The following PROZ variants were observed in gnomAD, a reference collection of about 807,000 sequenced individuals.
PROZ encodes protein Z, vitamin K dependent plasma glycoprotein, also known as vitamin K-dependent protein Z.
A neutral mutation model predicts 34.9 loss-of-function variants in PROZ; 46 were observed. That is an observed-to-expected ratio of 1.32 (90% CI 1.04 to 1.69). The LOEUF (loss-of-function observed/expected upper bound fraction) is 1.69, where lower values mean the gene tolerates loss of function less well. Among genes scored for constraint, PROZ ranks in the 40% most tolerant of loss-of-function variants. The pLI, the probability that PROZ is intolerant of heterozygous loss-of-function variation, is 0.00. For synonymous variants in PROZ, 195 were observed against 208.5 expected (o/e 0.94, Z 0.56); for missense variants, 530 against 520.4 (o/e 1.02, Z -0.18).
At chr13:113,167,188 G>A (rs2036963528) in intron 6 of PROZ, among the ~76,000 whole-genome samples, 1 of 152,160 alleles carries the variant, frequency 6.6e-6, no homozygotes, top group Admixed American at 6.5e-5. Flanking sequence ...CTAAAAGTCT[G>A]GCAGACTGAT....
rs140132416 is a variant in PROZ, at chr13:113,171,641, G to A, written c.739G>A (p.Val247Ile). Reference sequence around the variant, plus strand: ...CCCGCTGATGATCAAGATAACGCACGTCCATGTGCACATGCGGTATGACGC... The same window carrying A: ...CCCGCTGATGATCAAGATAACGCACATCCATGTGCACATGCGGTATGACGC... ...QDPLMIKITHVHVHMRYDADA... is the reference protein window; with the variant it reads ...QDPLMIKITHIHVHMRYDADA... Residue 247 changes from valine to isoleucine, a missense_variant, in exon 8 of 8, where the codon GTC becomes ATC. Val to Ile is a conservative substitution (Grantham distance 29). Coordinates refer to ENST00000375547, the MANE Select transcript of PROZ (RefSeq NM_003891.3). The surrounding 1 kb of genome is among the most constrained non-coding windows in gnomAD (Gnocchi z 5.1). The A allele has an allele frequency of 2.2e-5, 35 of 1,614,036 alleles. 1 individual carries two copies. In the African/African-American group the frequency reaches 3.7e-4, roughly 17 times the overall value.
At chr13:113,164,915 C>A in intron 5 of PROZ, 138 bp from the exon 6 acceptor site, 1 of 968,106 alleles carries the variant, frequency 1.0e-6, no homozygotes, top group Non-Finnish European at 1.6e-6. Flanking sequence ...AATTACTGCA[C>A]ATTCATCAGC....
chr13:113,169,719 C>T lies in PROZ; in HGVS notation c.574-694C>T, dbSNP rs3024760. On this transcript the variant is annotated intron_variant, in intron 6 of 7. Coordinates refer to ENST00000375547, the MANE Select transcript of PROZ (RefSeq NM_003891.3). ...CCCCACTGAGTCAGGGATGTTTTAACTCAGCTGGTGGAAGCAATTGCTATT... is the reference window on the plus strand; with the variant it reads ...CCCCACTGAGTCAGGGATGTTTTAATTCAGCTGGTGGAAGCAATTGCTATT... Among the ~76,000 whole-genome samples the T allele has an allele frequency of 7.2e-3, 1,097 of 152,350 alleles. 18 individuals are homozygous for T. Among genetic ancestry groups the T allele is most frequent in the African/African-American group, 0.025 (1,027 of 41,578 alleles).
At chr13:113,170,354 A>C in intron 6 of PROZ, 59 bp from the exon 7 acceptor site, 1 of 1,052,948 alleles carries the variant, frequency 9.5e-7, no homozygotes, top group Non-Finnish European at 1.5e-6. Context: ...AGTAGACTTT[A>C]CTGCCCCTAA....
In PROZ at chr13:113,172,275, C is replaced by A; in HGVS notation, c.*170C>A. 1.2e-6 allele frequency: 1 copy of A among 856,366 alleles called. No individual in the cohort carries two copies. Among genetic ancestry groups the A allele is most frequent in the Non-Finnish European group, 1.8e-6 (1 of 542,434 alleles). The allele number at this position is 856,366 out of a possible 1,614,324, so 53.0% of individuals were successfully genotyped here. On this transcript the variant is annotated 3_prime_UTR_variant, in exon 8 of 8. Transcript: ENST00000375547. ...GAGCCGCCGTTTGCTGGGTTGTTTA[C>A]CGAGCACTGTGACCTTTCTTTCCCT... is the stretch of plus-strand genomic sequence containing the variant.
chr13:113,168,415 T>C (rs1328046651), intron 6 of PROZ, among the ~76,000 whole-genome samples: 7 of 152,226 alleles, frequency 4.6e-5, no homozygotes, highest in Admixed American at 3.3e-4. Flanking sequence ...ATGAAAGGCA[T>C]TGCGTCTGGC....
intron 4 of PROZ, among the ~76,000 whole-genome samples, 171 bp downstream of exon 4, chr13:113,163,293 C>T (rs1015345628): frequency 1.3e-5 from 2 of 152,080 alleles, no homozygotes; most frequent in Non-Finnish European, 2.9e-5. Flanking sequence ...AGATTCTCCT[C>T]CAGAAACCAC....
chr13:113,163,739 TCACC>T (rs2036822135), intron 4 of PROZ, among the ~76,000 whole-genome samples: 1 of 151,758 alleles, frequency 6.6e-6, no homozygotes, highest in South Asian at 2.1e-4. Context: ...GCTTTGACCT[TCACC>T]CACCATGTGC....
At chr13:113,168,477 C>T (rs955522708) in intron 6 of PROZ, among the ~76,000 whole-genome samples, 3 of 152,236 alleles carry the variant, frequency 2.0e-5, no homozygotes, top group Non-Finnish European at 4.4e-5. Context: ...TGGGCCTGCC[C>T]CACTGCCTTC....
At chr13:113,165,027 T>C (rs2036882474) in intron 5 of PROZ, 26 bp from the exon 6 acceptor site, 15 of 1,612,000 alleles carry the variant, frequency 9.3e-6, no homozygotes, top group Non-Finnish European at 1.3e-5. Flanking sequence ...CTGATTTTTA[T>C]TCTCATGTTG....
chr13:113,158,748 C>T lies in PROZ; in HGVS notation c.70+18C>T, dbSNP rs1464664986. The T allele has an allele frequency of 2.5e-6, 4 of 1,588,512 alleles. No homozygotes were observed. Among genetic ancestry groups the T allele is most frequent in the Middle Eastern group, 1.7e-4 (1 of 6,038 alleles). ...GCCCTCAGGTAGGCATCTGGCTTAC[C>T]TGTCTGTTGTGCCTGTGCTGTGTCT... On this transcript the variant is annotated intron_variant, in intron 1 of 7. Coordinates refer to ENST00000375547, the MANE Select transcript of PROZ (RefSeq NM_003891.3). This position sits in a 1 kb window ranked among gnomAD's most constrained non-coding sequence, Gnocchi z 4.3.
Position 113,171,748 on chromosome 13 carries a change from C to T in PROZ, c.846C>T (p.Thr282=), listed in dbSNP as rs1198700742. 1 of 1,612,118 alleles carries T rather than the reference C, an allele frequency of 6.2e-7. No individual in the cohort carries two copies. Among genetic ancestry groups the T allele is most frequent in the Non-Finnish European group, 8.5e-7 (1 of 1,178,646 alleles). The change falls in exon 8 of 8, where the codon ACC becomes ACT. Residue 282 remains threonine (T), a synonymous_variant. Coordinates refer to ENST00000375547, the MANE Select transcript of PROZ (RefSeq NM_003891.3). This position sits in a 1 kb window ranked among gnomAD's most constrained non-coding sequence, Gnocchi z 5.1. ...CAGGTGCGGGGCTCCCCGTGTGCAC[C>T]CCTGAGAAAGACTTCGCTGAGCACC... ...QCPGAGLPVC[T]PEKDFAEHLL... is the part of the protein sequence containing the mutation.
chr13:113,171,920 T>C lies in PROZ; in HGVS notation c.1018T>C (p.Tyr340His). The change falls in exon 8 of 8, where the codon TAC becomes CAC. Residue 340 changes from tyrosine (Y) to histidine (H), a missense_variant. Coordinates refer to ENST00000375547, the MANE Select transcript of PROZ (RefSeq NM_003891.3). The surrounding 1 kb of genome is among the most constrained non-coding windows in gnomAD (Gnocchi z 5.1). ...GAATGTGACTGTCACCACCAGGACC[T>C]ACTGTGAGAGAAGCAGCGTGGCGGC... ...VLNVTVTTRTYCERSSVAAMH... is the reference protein window; with the variant it reads ...VLNVTVTTRTHCERSSVAAMH... 3.1e-6 allele frequency: 5 copies of C among 1,613,766 alleles called. No individual in the cohort carries two copies. Among genetic ancestry groups the C allele is most frequent in the Non-Finnish European group, 4.2e-6 (5 of 1,180,044 alleles).
Position 113,171,436 on chromosome 13 carries a change from C to T in PROZ, c.692-158C>T, listed in dbSNP as rs991918046. On this transcript the variant is annotated intron_variant, in intron 7 of 7. Transcript: ENST00000375547. The surrounding 1 kb of genome is among the most constrained non-coding windows in gnomAD (Gnocchi z 5.1). Reference sequence around the variant, plus strand: ...GCAATCTGTGAGTGGCCTTTCTGTCCGCAGAAAGGCACAGTGTCCACACCA... The same window carrying T: ...GCAATCTGTGAGTGGCCTTTCTGTCTGCAGAAAGGCACAGTGTCCACACCA... Among the ~76,000 whole-genome samples the T allele has an allele frequency of 2.6e-5, 4 of 152,138 alleles. No homozygotes were observed. The highest frequency in any genetic ancestry group is 2.1e-4 in the South Asian group (1 of 4,824).
intron 4 of PROZ, among the ~76,000 whole-genome samples, chr13:113,163,726 G>A (rs528005454): frequency 6.6e-6 from 1 of 151,764 alleles, no homozygotes; most frequent in African/African-American, 2.4e-5. Flanking sequence ...CGTACCAAAG[G>A]GGGCTTTGAC....
At position 113,162,949 on chromosome 13, in the gene PROZ, C is replaced by T. The variant is rs542521336; in HGVS notation, c.260-60C>T. On this transcript the variant is annotated intron_variant, in intron 3 of 7. Coordinates refer to ENST00000375547, the MANE Select transcript of PROZ (RefSeq NM_003891.3). The stretch of plus-strand genomic sequence containing the variant: ...CCATTCCTGTCACCACCCCCACCCT[C>T]CTCCTGCTCAGGTCCCCGTTCCTGT... The T allele has an allele frequency of 1.0e-4, 112 of 1,072,202 alleles. No individual in the cohort carries two copies. The South Asian group carries it at 1.5e-3, about 15-fold the overall frequency. The allele number at this position is 1,072,202 out of a possible 1,614,324, so 66.4% of individuals were successfully genotyped here.
chr13:113,159,711 A>T lies in PROZ; in HGVS notation c.71-303A>T, dbSNP rs1595105518. Among the ~76,000 whole-genome samples, 2 of 152,116 alleles carry T rather than the reference A, an allele frequency of 1.3e-5. No individual in the cohort carries two copies. The highest frequency in any genetic ancestry group is 1.3e-4 in the Admixed American group (2 of 15,270). ...TGACCCCAGCTCAGCCTTCCTTCGC[A>T]CTCAGACCCAAAACCCAGTTGGAGC... is the stretch of plus-strand genomic sequence containing the variant. On this transcript the variant is annotated intron_variant, in intron 1 of 7. Coordinates refer to ENST00000375547, the MANE Select transcript of PROZ (RefSeq NM_003891.3). This position sits in a 1 kb window ranked among gnomAD's most constrained non-coding sequence, Gnocchi z 4.6.
intron 5 of PROZ, 83 bp from the exon 6 acceptor site, chr13:113,164,970 G>C (rs1460742905): frequency 1.5e-6 from 2 of 1,341,322 alleles, no homozygotes; most frequent in Non-Finnish European, 2.1e-6. Context: ...ACGGAATTAT[G>C]CAACGGTTAA....
At chr13:113,167,105 A>G (rs1193608215) in intron 6 of PROZ, among the ~76,000 whole-genome samples, 1 of 152,202 alleles carries the variant, frequency 6.6e-6, no homozygotes, top group Non-Finnish European at 1.5e-5. Context: ...TAATTAAGTG[A>G]CCTAGCAGGA....
Sources: gnomAD v4.1 joint callset for allele counts (sites outside exome capture counted in the v4.1 genomes callset) on GRCh38, gnomAD v4.1.1 for gene constraint, Gnocchi (gnomAD v3.1) non-coding constraint, MANE v1.5 for transcripts, NCBI Gene and HGNC (gene_info 2026-07-23, HGNC 2026-07-21) for gene names.